Variants in LRP1B observed in about 807,000 individuals in gnomAD.
The protein encoded by LRP1B is low-density lipoprotein receptor-related protein 1B.
In LRP1B, 217 loss-of-function variants were observed where a neutral mutation model predicts 556.6. The observed-to-expected ratio is 0.39, with a 90% CI of 0.35 to 0.44. LRP1B has a LOEUF of 0.44. LRP1B is among the 20% of genes least tolerant of loss of function. LRP1B has a pLI of 1.00. For synonymous variants in LRP1B, 2,047 were observed against 1,865.8 expected, an observed-to-expected ratio of 1.10 and a Z score of -2.50; for missense variants, 5,053 against 5,620.8, an observed-to-expected ratio of 0.90 and a Z score of 3.23.
At chr2:141,201,237 G>A (rs1433826817) in intron 6 of LRP1B, among the ~76,000 whole-genome samples, 2 of 152,142 alleles carry the variant, frequency 1.3e-5, no homozygotes, top group African/African-American at 4.8e-5. Flanking sequence ...AAATGGCTAA[G>A]AAAGCAAAGA....
At chr2:140,697,446 A>G (rs1389582258) in intron 41 of LRP1B, among the ~76,000 whole-genome samples, 4 of 150,894 alleles carry the variant, frequency 2.7e-5, no homozygotes, top group Non-Finnish European at 5.9e-5. Context: ...GCATTACAAC[A>G]CTCTCGTTTT....
intron 2 of LRP1B, among the ~76,000 whole-genome samples, chr2:141,699,193 G>A (rs1691846124): frequency 6.6e-6 from 1 of 151,694 alleles, no homozygotes; most frequent in Non-Finnish European, 1.5e-5. Flanking sequence ...CATCTGGGGA[G>A]CTTGAAAAAA....
intron 35 of LRP1B, among the ~76,000 whole-genome samples, chr2:140,743,899 G>T (rs1394084272): frequency 2.0e-5 from 3 of 147,122 alleles, no homozygotes; most frequent in South Asian, 4.5e-4. Context: ...CCCAGGAGGG[G>T]GATGTTGCAG....
rs138692500 is a variant in LRP1B, at chr2:141,124,189, T to C, written c.1014-61916A>G. Among the ~76,000 whole-genome samples the C allele has an allele frequency of 2.6e-5, 4 of 152,218 alleles. No individual in the cohort carries two copies. In the East Asian group the frequency reaches 5.8e-4, roughly 22 times the overall value. On this transcript the variant is annotated intron_variant, in intron 7 of 90. Coordinates refer to ENST00000389484, the MANE Select transcript of LRP1B (RefSeq NM_018557.3). ...GTGGCCAAGAGAGGCCCAGAATTGATAGTGAAATAAAGTAGGTGATCTCAC... is the reference window on the plus strand; with the variant it reads ...GTGGCCAAGAGAGGCCCAGAATTGACAGTGAAATAAAGTAGGTGATCTCAC...
chr2:141,994,573 C>A (rs1702435858), intron 1 of LRP1B, among the ~76,000 whole-genome samples: 1 of 151,960 alleles, frequency 6.6e-6, no homozygotes, highest in Non-Finnish European at 1.5e-5. Context: ...GTATATCTAT[C>A]TCTATCTCTC....
intron 10 of LRP1B, among the ~76,000 whole-genome samples, chr2:141,052,726 C>T (rs2105451631): frequency 6.6e-6 from 1 of 152,090 alleles, no homozygotes; most frequent in African/African-American, 2.4e-5. Context: ...CAACCTCTGC[C>T]ACCTGGGCTC....
At chr2:141,249,105 T>C (rs1167576282) in intron 4 of LRP1B, among the ~76,000 whole-genome samples, 2 of 152,114 alleles carry the variant, frequency 1.3e-5, no homozygotes, top group Admixed American at 6.6e-5. Context: ...CTTGAGTAAA[T>C]GTGTAATGAT....
chr2:141,330,432 A>G (rs1687596677), intron 3 of LRP1B, among the ~76,000 whole-genome samples: 1 of 104,324 alleles, frequency 9.6e-6, no homozygotes, highest in Non-Finnish European at 2.1e-5. Flanking sequence ...TTTATTGAAT[A>G]TAATTTGAAA....
At chr2:140,785,030 TAAAG>T (rs1423613484) in intron 32 of LRP1B, among the ~76,000 whole-genome samples, 2 of 151,810 alleles carry the variant, frequency 1.3e-5, no homozygotes, top group African/African-American at 2.4e-5. Flanking sequence ...AATGCCAGAA[TAAAG>T]AGAGAAAAAA....
At chr2:141,799,384 G>C (rs960514923) in intron 2 of LRP1B, among the ~76,000 whole-genome samples, 2 of 152,260 alleles carry the variant, frequency 1.3e-5, no homozygotes, top group Admixed American at 6.5e-5. Flanking sequence ...ATCATGAAAC[G>C]TGAGGGGGTT....
intron 66 of LRP1B, among the ~76,000 whole-genome samples, chr2:140,405,940 CA>C (rs1288923845): frequency 1.3e-5 from 2 of 151,930 alleles, no homozygotes; most frequent in Non-Finnish European, 2.9e-5. Flanking sequence ...CAAAAATCCC[CA>C]ACAAAATACC....
intron 1 of LRP1B, among the ~76,000 whole-genome samples, chr2:142,091,053 T>C (rs9917364): frequency 0.67 from 101,669 of 151,884 alleles, 34,214 homozygotes; most frequent in East Asian, 0.71. Context: ...GAGAGACTAA[T>C]GATTTTTTGA....
At chr2:140,644,405 T>TTC (rs1684407432) in intron 41 of LRP1B, among the ~76,000 whole-genome samples, 1 of 149,340 alleles carries the variant, frequency 6.7e-6, no homozygotes, top group Non-Finnish European at 1.5e-5. Context: ...TTTTTTCTTT[T>TTC]TTTTTTTTTT....
At chr2:140,308,612 T>C (rs1684164043) in intron 83 of LRP1B, among the ~76,000 whole-genome samples, 1 of 151,852 alleles carries the variant, frequency 6.6e-6, no homozygotes, top group Non-Finnish European at 1.5e-5. Context: ...TTGAGTATGA[T>C]GTTTTATACC....
chr2:141,427,477 A>C (rs1680412696), intron 3 of LRP1B, among the ~76,000 whole-genome samples: 1 of 152,230 alleles, frequency 6.6e-6, no homozygotes, highest in Non-Finnish European at 1.5e-5. Flanking sequence ...AGTTTACAGC[A>C]AAATTGCTGT....
At chr2:141,852,730 C>A (rs1051084502) in intron 1 of LRP1B, among the ~76,000 whole-genome samples, 2 of 151,392 alleles carry the variant, frequency 1.3e-5, no homozygotes, top group African/African-American at 2.4e-5. Flanking sequence ...AGCTAGCTAG[C>A]AAGCCATGAA....
intron 35 of LRP1B, among the ~76,000 whole-genome samples, chr2:140,736,695 A>C (rs2105512136): frequency 6.6e-6 from 1 of 152,312 alleles, no homozygotes; most frequent in Admixed American, 6.5e-5. Context: ...CCTTATACAA[A>C]AATTAATTCA....
intron 60 of LRP1B, among the ~76,000 whole-genome samples, chr2:140,460,910 C>G (rs1056953922): frequency 6.6e-6 from 1 of 151,658 alleles, no homozygotes; most frequent in Non-Finnish European, 1.5e-5. Flanking sequence ...GAGTTTTTCC[C>G]TGAGTCGAGT....
Position 140,450,638 on chromosome 2 carries a change from A to G in LRP1B, c.9987T>C (p.Cys3329=), listed in dbSNP as rs1686845939. ...ASQFRCKTDK[C]IPFWWKCDTV... is the part of the protein sequence containing the mutation. ...TGTCACATTTCCACCAGAATGGAAT[A>G]CATTTGTCAGTTTTGCAACGAAACT... Residue 3329 remains cysteine (C), a synonymous_variant, in exon 63 of 91, where the codon TGT becomes TGC. Coordinates refer to ENST00000389484, the MANE Select transcript of LRP1B (RefSeq NM_018557.3). The G allele has an allele frequency of 6.2e-7, 1 of 1,611,590 alleles. No homozygotes were observed. The highest frequency in any genetic ancestry group is 8.5e-7 in the Non-Finnish European group (1 of 1,179,066).
Sources: gnomAD v4.1 joint callset for allele counts (sites outside exome capture counted in the v4.1 genomes callset) on GRCh38, gnomAD v4.1.1 for gene constraint, MANE v1.5 for transcripts, NCBI Gene and HGNC (gene_info 2026-07-23, HGNC 2026-07-21) for gene names.